ANKRD10: variants seen among roughly 807,000 people sequenced by gnomAD.
ANKRD10 encodes ankyrin repeat domain 10.
ANKRD10 carries 14 observed loss-of-function variants against 27.0 expected under a neutral mutation model. The observed-to-expected ratio is 0.52, with a 90% confidence interval of 0.34 to 0.81. The LOEUF is 0.81. ANKRD10 is among the 40% of genes least tolerant of loss of function. The probability of loss-of-function intolerance (pLI) is 0.01; values close to 1 mark genes in which losing one functional copy is unlikely to be tolerated. For synonymous variants in ANKRD10, 250 were observed against 224.5 expected, an observed-to-expected ratio of 1.11 and a Z score of -1.01; for missense variants, 493 against 544.0, an observed-to-expected ratio of 0.91 and a Z score of 0.93.
At chr13:110,909,674 A>G (rs899608902) in intron 2 of ANKRD10, among the ~76,000 whole-genome samples, 1 of 152,184 alleles carries the variant, frequency 6.6e-6, no homozygotes, top group African/African-American at 2.4e-5. Flanking sequence ...CTTGTTTTAA[A>G]TCATGGCTAA....
At chr13:110,903,440 TAAGAA>T (rs1361184251) in intron 3 of ANKRD10, 7 of 154,708 alleles carry the variant, frequency 4.5e-5, no homozygotes, top group East Asian at 3.9e-4. Flanking sequence ...AGATTTAAAA[TAAGAA>T]AAGAAAAAGA....
intron 2 of ANKRD10, among the ~76,000 whole-genome samples, chr13:110,907,737 T>C (rs2065578002): frequency 6.6e-6 from 1 of 152,074 alleles, no homozygotes. Flanking sequence ...AGCGAAAACC[T>C]AGCCCTATCC....
At position 110,892,899 on chromosome 13, in the gene ANKRD10, C is replaced by T. The variant is rs191899054; in HGVS notation, c.691+129G>A. On this transcript the variant is annotated intron_variant, in intron 4 of 5. Coordinates refer to ENST00000267339, the MANE Select transcript of ANKRD10 (RefSeq NM_017664.4). ...ACAGGAGAAATCTCCACCGTCACCG[C>T]ACAATCCACCAGGCGCATTACCACC... 2.7e-6 allele frequency: 4 copies of T among 1,461,812 alleles called. No individual in the cohort carries two copies. In the East Asian group the frequency reaches 7.4e-5, roughly 27 times the overall value. 90.6% of individuals were successfully genotyped at this position (1,461,812 alleles called of 1,614,324 possible). A position where few individuals can be genotyped will look rare whatever the true frequency, so the allele number is the denominator to read the frequency against.
intron 4 of ANKRD10, among the ~76,000 whole-genome samples, chr13:110,887,731 G>C (rs148653790): frequency 6.6e-6 from 1 of 152,180 alleles, no homozygotes; most frequent in Non-Finnish European, 1.5e-5. Context: ...TCCTGACCTA[G>C]ATTAGTCATC....
chr13:110,884,637 T>C (rs1566448285), intron 4 of ANKRD10, among the ~76,000 whole-genome samples: 2 of 152,266 alleles, frequency 1.3e-5, no homozygotes, highest in Admixed American at 6.5e-5. Context: ...GCCCTATGGC[T>C]GTATTACGAT....
intron 4 of ANKRD10, 123 bp downstream of exon 4, chr13:110,892,905 C>G: frequency 6.8e-7 from 1 of 1,468,728 alleles, no homozygotes; most frequent in East Asian, 2.5e-5. Context: ...ACCGCACAAT[C>G]CACCAGGCGC....
chr13:110,898,809 G>A (rs1241930185), intron 3 of ANKRD10, among the ~76,000 whole-genome samples: 2 of 142,650 alleles, frequency 1.4e-5, no homozygotes, highest in African/African-American at 5.2e-5. Context: ...AGGCTGGAGT[G>A]CAATGGCGTG....
chr13:110,903,193 G>A (rs1194296396), intron 3 of ANKRD10, among the ~76,000 whole-genome samples: 1 of 152,164 alleles, frequency 6.6e-6, no homozygotes, highest in Admixed American at 6.5e-5. Context: ...GGGGGCAGTG[G>A]AAAAATGGAA....
intron 4 of ANKRD10, among the ~76,000 whole-genome samples, chr13:110,886,701 G>A (rs1187991938): frequency 6.6e-6 from 1 of 152,168 alleles, no homozygotes; most frequent in Non-Finnish European, 1.5e-5. Flanking sequence ...CATTGCTGAA[G>A]GAATCATTTA....
In ANKRD10 at chr13:110,914,611, C is replaced by T. The variant is rs1181203209; in HGVS notation, c.210+114G>A. The T allele has an allele frequency of 5.7e-6, 8 of 1,412,488 alleles. No individual in the cohort carries two copies. The Admixed American group carries it at 1.1e-4, about 19-fold the overall frequency. The allele number at this position is 1,412,488 out of a possible 1,614,324, so 87.5% of individuals were successfully genotyped here. A position where few individuals can be genotyped will look rare whatever the true frequency, so the allele number is the denominator to read the frequency against. On this transcript the variant is annotated intron_variant, in intron 1 of 5. Transcript: ENST00000267339. ...CCTCGGGGCACAGGCGCCGTCGATC[C>T]CGCTTCCGCCCCGCGATCCCGGCAC...
intron 4 of ANKRD10, among the ~76,000 whole-genome samples, chr13:110,885,898 T>C (rs552246422): frequency 3.1e-4 from 47 of 152,230 alleles, no homozygotes; most frequent in Non-Finnish European, 5.9e-4. Flanking sequence ...AAAAGCAGGT[T>C]AGAAAACCGC....
At chr13:110,885,517 C>T (rs2064905455) in intron 4 of ANKRD10, among the ~76,000 whole-genome samples, 1 of 151,730 alleles carries the variant, frequency 6.6e-6, no homozygotes, top group African/African-American at 2.4e-5. Flanking sequence ...CACTGCCCTC[C>T]AGCCTGGTGA....
intron 4 of ANKRD10, among the ~76,000 whole-genome samples, chr13:110,890,475 G>A (rs775435811): frequency 2.0e-5 from 3 of 152,192 alleles, no homozygotes; most frequent in South Asian, 2.1e-4. Context: ...CTCTTGTGAC[G>A]AGTGTGGCAA....
In ANKRD10 at chr13:110,893,096, A is replaced by G; in HGVS notation, c.623T>C (p.Val208Ala). Residue 208 changes from valine (V) to alanine (A), a missense_variant, in exon 4 of 6, where the codon GTG becomes GCG. Val to Ala is a moderately conservative substitution (Grantham distance 64, BLOSUM62 0). Transcript: ENST00000267339. ...CAAGCATCTCTTTCGATTTGTTCCC[A>G]CACTAATATGATTAGGAAATACATT... Reference protein sequence around the residue: ...HQNVFPNHISVGTNRKRCLED... With the variant: ...HQNVFPNHISAGTNRKRCLED... 6.2e-7 allele frequency: 1 copy of G among 1,614,232 alleles called. No homozygotes were observed. Among genetic ancestry groups the G allele is most frequent in the Non-Finnish European group, 8.5e-7 (1 of 1,180,028 alleles).
chr13:110,913,967 G>C (rs570548076), intron 1 of ANKRD10, among the ~76,000 whole-genome samples: 73 of 152,252 alleles, frequency 4.8e-4, no homozygotes, highest in African/African-American at 1.7e-3. Context: ...TAAGAAAAAA[G>C]AGGGGAACGT....
At position 110,879,435 on chromosome 13, in the gene ANKRD10, T is replaced by C; in HGVS notation, c.*202A>G. The C allele has an allele frequency of 1.7e-6, 1 of 572,942 alleles. No individual in the cohort carries two copies. Among genetic ancestry groups the C allele is most frequent in the East Asian group, 2.8e-5 (1 of 35,330 alleles). The allele number at this position is 572,942 out of a possible 1,614,324, so 35.5% of individuals were successfully genotyped here. On this transcript the variant is annotated 3_prime_UTR_variant, in exon 6 of 6. Transcript: ENST00000267339. ...ACCTTATAAAAAGGACACCTCACTG[T>C]AGAAACATCTATGCACTTAGTAAGC...
At chr13:110,887,512 T>C (rs2064963436) in intron 4 of ANKRD10, among the ~76,000 whole-genome samples, 1 of 152,218 alleles carries the variant, frequency 6.6e-6, no homozygotes, top group Admixed American at 6.5e-5. Context: ...GAAAAATGCC[T>C]GATCACAACT....
At chr13:110,892,607 T>A (rs2065110819) in intron 4 of ANKRD10, 1 of 483,950 alleles carries the variant, frequency 2.1e-6, no homozygotes, top group African/African-American at 2.1e-5. Flanking sequence ...CCTTCCCGAA[T>A]GTGAAAATGT....
intron 2 of ANKRD10, among the ~76,000 whole-genome samples, chr13:110,909,983 G>C (rs939730097): frequency 6.6e-6 from 1 of 152,212 alleles, no homozygotes; most frequent in Non-Finnish European, 1.5e-5. Context: ...ACTGCTCCCA[G>C]TCAGACAACC....
Sources: gnomAD v4.1 joint callset for allele counts (sites outside exome capture counted in the v4.1 genomes callset) on GRCh38, gnomAD v4.1.1 for gene constraint, MANE v1.5 for transcripts, NCBI Gene and HGNC (gene_info 2026-07-23, HGNC 2026-07-21) for gene names.